The following GRIP1 variants were observed in gnomAD, a reference collection of about 807,000 sequenced individuals.
The protein encoded by GRIP1 is glutamate receptor interacting protein 1, also known as glutamate receptor-interacting protein 1.
Under a neutral mutation model 129.9 loss-of-function variants are expected in GRIP1, and 45 were observed. The observed-to-expected ratio is 0.35, with a 90% CI of 0.27 to 0.44. The LOEUF (loss-of-function observed/expected upper bound fraction) is 0.44, where lower values mean the gene tolerates loss of function less well. GRIP1 is among the 20% of genes least tolerant of loss of function. The pLI, the probability that GRIP1 is intolerant of heterozygous loss-of-function variation, is 1.00. For missense variants in GRIP1, 1,196 were observed against 1,396.8 expected, an observed-to-expected ratio of 0.86 and a Z score of 2.29; for synonymous variants, 530 against 520.8, an observed-to-expected ratio of 1.02 and a Z score of -0.24.
chr12:66,496,159 T>A (rs1009006209), intron 7 of GRIP1, among the ~76,000 whole-genome samples: 1 of 152,108 alleles, frequency 6.6e-6, no homozygotes, highest in Non-Finnish European at 1.5e-5. Flanking sequence ...GGAAATGTAG[T>A]CTCGATACTT....
intron 1 of GRIP1, among the ~76,000 whole-genome samples, chr12:67,057,413 T>C (rs1020260651): frequency 7.0e-6 from 1 of 141,998 alleles, no homozygotes; most frequent in South Asian, 2.2e-4. Flanking sequence ...ACCTTGATAA[T>C]GAATTTCTAC....
chr12:66,874,662 G>A (rs2040353881), intron 1 of GRIP1, among the ~76,000 whole-genome samples: 2 of 151,926 alleles, frequency 1.3e-5, no homozygotes, highest in South Asian at 4.2e-4. Context: ...AGACGCGGCA[G>A]GTGCTACACA....
intron 7 of GRIP1, among the ~76,000 whole-genome samples, chr12:66,466,807 G>C (rs944722330): frequency 1.3e-5 from 2 of 152,116 alleles, no homozygotes; most frequent in Non-Finnish European, 2.9e-5. Flanking sequence ...ATTTTCAACT[G>C]TTCTGATGTT....
intron 2 of GRIP1, among the ~76,000 whole-genome samples, chr12:66,573,756 A>C (rs553624186): frequency 6.6e-6 from 1 of 152,204 alleles, no homozygotes; most frequent in South Asian, 2.1e-4. Flanking sequence ...TAGTCAGAGA[A>C]ACTGAAAGAA....
chr12:66,533,602 G>A (rs1256575059), intron 4 of GRIP1, among the ~76,000 whole-genome samples: 1 of 152,050 alleles, frequency 6.6e-6, no homozygotes, highest in African/African-American at 2.4e-5. Context: ...CCGAGATTGT[G>A]CCACTGCACT....
At chr12:66,777,421 C>T (rs1422082794) in intron 1 of GRIP1, among the ~76,000 whole-genome samples, 1 of 152,188 alleles carries the variant, frequency 6.6e-6, no homozygotes, top group African/African-American at 2.4e-5. Flanking sequence ...ATGAGGTCTA[C>T]TCTGAGCACC....
intron 7 of GRIP1, among the ~76,000 whole-genome samples, chr12:66,485,871 A>C (rs1026751170): frequency 1.3e-5 from 2 of 152,120 alleles, no homozygotes; most frequent in Non-Finnish European, 2.9e-5. Context: ...ATATGTACAC[A>C]GACAGATTAA....
rs142750813 is a variant in GRIP1 at position 66,654,269 on chromosome 12, C to T, written c.55+24581G>A. The stretch of plus-strand genomic sequence containing the variant: ...AAAACCAAATTAAACCACACTAAAA[C>T]TATTCAAGATGAACTTGCAAAGATA... On this transcript the variant is annotated intron_variant, in intron 1 of 24. Coordinates refer to ENST00000359742, the MANE Select transcript of GRIP1 (RefSeq NM_001366722.1). 2.1e-3 allele frequency among the ~76,000 whole-genome samples: 321 copies of T among 152,114 alleles called. 1 individual carries two copies. Among genetic ancestry groups the T allele is most frequent in the Middle Eastern group, 0.01 (3 of 294 alleles).
At chr12:66,668,869 G>A (rs554565781) in intron 1 of GRIP1, among the ~76,000 whole-genome samples, 2 of 152,158 alleles carry the variant, frequency 1.3e-5, no homozygotes, top group East Asian at 1.9e-4. Flanking sequence ...AGGATTGCTC[G>A]GGCCTGGGAG....
chr12:66,432,059 A>G (rs565207259), intron 14 of GRIP1, among the ~76,000 whole-genome samples: 99 of 152,270 alleles, frequency 6.5e-4, no homozygotes, highest in Non-Finnish European at 1.1e-3. Context: ...TTTTTGTTAA[A>G]TAGATTATAA....
intron 22 of GRIP1, chr12:66,372,164 T>C (rs2055541913): frequency 1.7e-6 from 1 of 587,412 alleles, no homozygotes; most frequent in Non-Finnish European, 3.0e-6. Flanking sequence ...ATTGAGTTTA[T>C]TTAATCAAAT....
intron 16 of GRIP1, among the ~76,000 whole-genome samples, chr12:66,403,995 C>A (rs997522978): frequency 3.3e-5 from 5 of 152,184 alleles, no homozygotes; most frequent in African/African-American, 1.2e-4. Flanking sequence ...GCAAATCATG[C>A]AAAACAGGTT....
chr12:66,603,546 T>C (rs1472894719), intron 1 of GRIP1, among the ~76,000 whole-genome samples: 1 of 152,186 alleles, frequency 6.6e-6, no homozygotes, highest in African/African-American at 2.4e-5. Flanking sequence ...CACGTTCATG[T>C]TTGGAAAGCC....
At chr12:67,035,755 A>G (rs1266431656) in intron 1 of GRIP1, 1 of 152,204 alleles carries the variant, frequency 6.6e-6, no homozygotes, top group East Asian at 1.9e-4. Flanking sequence ...TTCTCTAACT[A>G]CCATATCTAA....
intron 16 of GRIP1, among the ~76,000 whole-genome samples, chr12:66,406,015 G>A (rs1021901349): frequency 2.0e-5 from 3 of 152,150 alleles, no homozygotes; most frequent in Non-Finnish European, 2.9e-5. Context: ...TGTATTAGAT[G>A]ATGATTTAGA....
chr12:66,769,351 GC>G (rs576098281), intron 1 of GRIP1, among the ~76,000 whole-genome samples: 2 of 151,912 alleles, frequency 1.3e-5, no homozygotes, highest in South Asian at 4.2e-4. Flanking sequence ...AACTTCAGGT[GC>G]CACCCTCCCC....
chr12:66,872,282 A>G (rs1434085564), intron 1 of GRIP1, among the ~76,000 whole-genome samples: 2 of 152,024 alleles, frequency 1.3e-5, no homozygotes, highest in Admixed American at 1.3e-4. Context: ...TCCAACAATC[A>G]GGGACAGTCA....
chr12:66,403,271 G>T (rs909676134), intron 16 of GRIP1, among the ~76,000 whole-genome samples: 2 of 152,038 alleles, frequency 1.3e-5, no homozygotes, highest in Admixed American at 6.5e-5. Context: ...AGTTGTTGTT[G>T]TCCCTCATCC....
chr12:66,488,477 G>T (rs1180880436), intron 7 of GRIP1, among the ~76,000 whole-genome samples: 2 of 152,138 alleles, frequency 1.3e-5, no homozygotes, highest in Non-Finnish European at 2.9e-5. Flanking sequence ...CTAAAGTAAT[G>T]TTAAGAAGAA....
Sources: allele counts gnomAD v4.1 joint callset (sites outside exome capture counted in the v4.1 genomes callset), GRCh38; gene constraint gnomAD v4.1.1; transcripts MANE v1.5; gene names NCBI Gene and HGNC (gene_info 2026-07-23, HGNC 2026-07-21).